RGSL1: variants seen among roughly 807,000 people sequenced by gnomAD.
The protein encoded by RGSL1 is regulator of G protein signaling protein-like.
RGSL1 carries 97 observed loss-of-function variants against 124.7 expected under a neutral mutation model. The ratio of observed to expected loss-of-function variants is 0.78; its 90% CI spans 0.66 to 0.92. The LOEUF (loss-of-function observed/expected upper bound fraction) is 0.92, where lower values mean the gene tolerates loss of function less well. RGSL1 is among the 40% of genes least tolerant of loss of function. RGSL1 has a pLI of 0.00. For missense variants in RGSL1, 1,233 were observed against 1,288.4 expected (o/e 0.96, Z 0.66); for synonymous variants, 424 against 438.1 (o/e 0.97, Z 0.40).
chr1:182,496,098 T>C (rs1219372428), intron 9 of RGSL1, among the ~76,000 whole-genome samples: 1 of 152,090 alleles, frequency 6.6e-6, no homozygotes, highest in Non-Finnish European at 1.5e-5. Flanking sequence ...CTGCTTGGCT[T>C]CTGGGGAGGC....
upstream of RGSL1, among the ~76,000 whole-genome samples, chr1:182,448,537 T>C (rs760311874): frequency 2.0e-5 from 3 of 152,122 alleles, no homozygotes; most frequent in Non-Finnish European, 2.9e-5. Flanking sequence ...ATATTTTCTA[T>C]ATTTACCTGA....
At chr1:182,457,936 G>A (rs940241821) in intron 2 of RGSL1, among the ~76,000 whole-genome samples, 1 of 152,146 alleles carries the variant, frequency 6.6e-6, no homozygotes, top group African/African-American at 2.4e-5. Flanking sequence ...ATTTTTCACT[G>A]GGAAAACATT....
chr1:182,515,552 A>AGG (rs1316033045), intron 9 of RGSL1, among the ~76,000 whole-genome samples: 1,410 of 53,326 alleles, frequency 0.026, 33 homozygotes, highest in African/African-American at 0.059. Flanking sequence ...AAAAAAAAAA[A>AGG]AGGGGGGGGC....
chr1:182,490,689 G>A (rs1655452308), intron 8 of RGSL1, among the ~76,000 whole-genome samples: 1 of 152,106 alleles, frequency 6.6e-6, no homozygotes, highest in South Asian at 2.1e-4. Context: ...GTGGCTATGG[G>A]ACACAAGGGA....
At chr1:182,492,962 A>T in intron 8 of RGSL1, 60 bp from the exon 9 acceptor site, 10 of 1,160,542 alleles carry the variant, frequency 8.6e-6, no homozygotes, top group Non-Finnish European at 1.3e-5. Context: ...AAAGTATATG[A>T]ATCTTTGAAC....
chr1:182,511,236 G>A (rs1179846948), intron 9 of RGSL1, among the ~76,000 whole-genome samples: 2 of 152,112 alleles, frequency 1.3e-5, no homozygotes, highest in African/African-American at 4.8e-5. Context: ...CATGATCTCG[G>A]CTCACTGCAA....
chr1:182,464,477 A>G (rs1272398229), intron 4 of RGSL1, among the ~76,000 whole-genome samples: 1 of 152,136 alleles, frequency 6.6e-6, no homozygotes, highest in Non-Finnish European at 1.5e-5. Context: ...TAATCCCAGC[A>G]CTTTGGGAGG....
In RGSL1 at chr1:182,511,252, G is replaced by A. The variant is rs372459400; in HGVS notation, c.1826-10752G>A. Among the ~76,000 whole-genome samples the A allele has an allele frequency of 2.6e-5, 4 of 152,254 alleles. No individual in the cohort carries two copies. In the East Asian group the frequency reaches 7.7e-4, roughly 29 times the overall value. On this transcript the variant is annotated intron_variant, in intron 9 of 21. Coordinates refer to ENST00000294854, the MANE Select transcript of RGSL1 (RefSeq NM_001137669.2). Reference sequence around the variant, plus strand: ...ATGATCTCGGCTCACTGCAACGTGTGCCTCCCGGTTCAAGAGATTCTCCTG... The same window carrying A: ...ATGATCTCGGCTCACTGCAACGTGTACCTCCCGGTTCAAGAGATTCTCCTG...
intron 9 of RGSL1, among the ~76,000 whole-genome samples, chr1:182,501,998 C>T (rs888112891): frequency 1.3e-5 from 2 of 152,030 alleles, no homozygotes; most frequent in African/African-American, 2.4e-5. Context: ...ATCTAGATTA[C>T]CTAATTTGTT....
At chr1:182,522,937 A>T (rs1287855447) in intron 10 of RGSL1, among the ~76,000 whole-genome samples, 2 of 152,190 alleles carry the variant, frequency 1.3e-5, no homozygotes, top group African/African-American at 4.8e-5. Flanking sequence ...CCTCTTCTAG[A>T]TGTTGAGGAT....
chr1:182,456,940 A>C (rs949589419), intron 2 of RGSL1, among the ~76,000 whole-genome samples: 48 of 152,318 alleles, frequency 3.2e-4, no homozygotes, highest in African/African-American at 1.1e-3. Flanking sequence ...TGAGGTCAAG[A>C]GTTCAAGACC....
intron 21 of RGSL1, among the ~76,000 whole-genome samples, chr1:182,557,569 G>A (rs749188679): frequency 2.6e-5 from 4 of 152,156 alleles, no homozygotes; most frequent in Non-Finnish European, 5.9e-5. Context: ...GTTGGCAATA[G>A]ATGGGCCACA....
chr1:182,506,120 CTATTT>C (rs1656789859), intron 9 of RGSL1, among the ~76,000 whole-genome samples: 3 of 152,048 alleles, frequency 2.0e-5, no homozygotes, highest in Non-Finnish European at 4.4e-5. Context: ...CTTAGATTTT[CTATTT>C]CTTTTTATGC....
chr1:182,530,941 T>A, intron 13 of RGSL1, 31 bp downstream of exon 13: 1 of 1,534,618 alleles, frequency 6.5e-7, no homozygotes, highest in Non-Finnish European at 8.8e-7. Context: ...AACAAGACAT[T>A]AGAGACAAGA....
intron 3 of RGSL1, 95 bp from the exon 4 acceptor site, chr1:182,459,909 A>C (rs986799168): frequency 7.0e-7 from 1 of 1,418,792 alleles, no homozygotes; most frequent in Admixed American, 2.4e-5. Flanking sequence ...CAGACACTGC[A>C]AGTGTGAGGT....
intron 21 of RGSL1, among the ~76,000 whole-genome samples, 199 bp from the exon 22 acceptor site, chr1:182,560,080 C>T (rs1006706553): frequency 3.3e-5 from 5 of 152,166 alleles, no homozygotes; most frequent in South Asian, 4.1e-4. Flanking sequence ...GTGCTGGAAA[C>T]GCAGTGGAGA....
At chr1:182,500,181 T>C (rs185262359) in intron 9 of RGSL1, among the ~76,000 whole-genome samples, 1 of 152,210 alleles carries the variant, frequency 6.6e-6, no homozygotes, top group African/African-American at 2.4e-5. Context: ...TTTGAGTTAA[T>C]TTTTTTGTGT....
chr1:182,476,061 C>A (rs1006386553), intron 6 of RGSL1, among the ~76,000 whole-genome samples: 4 of 152,096 alleles, frequency 2.6e-5, no homozygotes, highest in Admixed American at 2.6e-4. Context: ...CTGGAGTTTT[C>A]GGCTCTAAGT....
intron 4 of RGSL1, among the ~76,000 whole-genome samples, chr1:182,464,503 C>T (rs1341348172): frequency 6.6e-6 from 1 of 152,042 alleles, no homozygotes; most frequent in Non-Finnish European, 1.5e-5. Flanking sequence ...GGGGGTGGAT[C>T]ACCTCAGGTC....
Sources: gnomAD v4.1 joint callset for allele counts (sites outside exome capture counted in the v4.1 genomes callset) on GRCh38, gnomAD v4.1.1 for gene constraint, MANE v1.5 for transcripts, NCBI Gene and HGNC (gene_info 2026-07-23, HGNC 2026-07-21) for gene names.